PIGF: variants seen among roughly 807,000 people sequenced by gnomAD.
PIGF encodes the protein GPI ethanolamine phosphate transferase, stabilizing subunit.
Under a neutral mutation model 26.0 loss-of-function variants are expected in PIGF, and 23 were observed. The ratio of observed to expected loss-of-function variants is 0.88; its 90% CI spans 0.64 to 1.25. The LOEUF is 1.25. Among genes scored for constraint, PIGF ranks in the 50% most tolerant of loss-of-function variants. PIGF has a pLI of 0.00. For synonymous variants in PIGF, 93 were observed against 92.6 expected (o/e 1.00, Z -0.03); for missense variants, 278 against 249.9 (o/e 1.11, Z -0.76).
intron 4 of PIGF, among the ~76,000 whole-genome samples, chr2:46,606,013 G>T (rs1670210925): frequency 6.6e-6 from 1 of 152,158 alleles, no homozygotes; most frequent in African/African-American, 2.4e-5. Context: ...TCTCCAGTAT[G>T]TTGGAAATTT....
chr2:46,597,632 G>A (rs768284332), intron 4 of PIGF, among the ~76,000 whole-genome samples: 5 of 152,014 alleles, frequency 3.3e-5, no homozygotes, highest in Non-Finnish European at 5.9e-5. Context: ...GGCTGGTCTC[G>A]AACTCCTGAC....
chr2:46,599,657 G>A (rs140937905), intron 4 of PIGF, among the ~76,000 whole-genome samples: 65 of 152,018 alleles, frequency 4.3e-4, no homozygotes, highest in African/African-American at 1.4e-3. Context: ...TCTTCTCCAC[G>A]TCATTTTGTT....
chr2:46,612,097 C>T (rs772853429), intron 4 of PIGF, 131 bp downstream of exon 4: 2 of 378,534 alleles, frequency 5.3e-6, no homozygotes, highest in Non-Finnish European at 4.8e-6. Context: ...GCAGTGACCC[C>T]TTAAGGCATC....
intron 1 of PIGF, 28 bp from the exon 2 acceptor site, chr2:46,615,213 T>C (rs1572789755): frequency 1.1e-6 from 1 of 895,660 alleles, no homozygotes; most frequent in East Asian, 2.4e-5. Context: ...AAGAAGAGCA[T>C]ATGCAATAAC....
chr2:46,595,787 A>G (rs1669864097), intron 4 of PIGF, among the ~76,000 whole-genome samples: 1 of 152,140 alleles, frequency 6.6e-6, no homozygotes, highest in Admixed American at 6.5e-5. Flanking sequence ...TTTTTATTAC[A>G]GTCATCGTAA....
chr2:46,597,893 T>A lies in PIGF; in HGVS notation c.438-5310A>T, dbSNP rs1312074212. ...TCACAAAAATGTTTTTTAAAGTGTT[T>A]TTTCATCCACTATGCTGAAAATATA... is the stretch of plus-strand genomic sequence containing the variant. On this transcript the variant is annotated intron_variant, in intron 4 of 5. Coordinates refer to ENST00000281382, the MANE Select transcript of PIGF (RefSeq NM_002643.4). Among the ~76,000 whole-genome samples, 5 of 152,338 alleles carry A rather than the reference T, an allele frequency of 3.3e-5. No individual in the cohort carries two copies. In the South Asian group the frequency reaches 8.3e-4, roughly 25 times the overall value.
At chr2:46,584,725 T>G (rs1377563207) in intron 5 of PIGF, among the ~76,000 whole-genome samples, 1 of 152,210 alleles carries the variant, frequency 6.6e-6, no homozygotes, top group Non-Finnish European at 1.5e-5. Flanking sequence ...GAGTACCTCC[T>G]TGGCTTTCCT....
At chr2:46,612,037 G>T (rs141051955) in intron 4 of PIGF, among the ~76,000 whole-genome samples, 191 bp downstream of exon 4, 1 of 151,508 alleles carries the variant, frequency 6.6e-6, no homozygotes, top group African/African-American at 2.4e-5. Context: ...TCTTGCTAAC[G>T]TGGAGGGAGG....
At chr2:46,590,481 G>A (rs1669693745) in intron 5 of PIGF, among the ~76,000 whole-genome samples, 1 of 151,690 alleles carries the variant, frequency 6.6e-6, no homozygotes, top group African/African-American at 2.4e-5. Flanking sequence ...CTTAAATTAT[G>A]TGTAATATAT....
intron 2 of PIGF, chr2:46,614,031 G>A (rs1296671858): frequency 1.4e-5 from 5 of 369,602 alleles, no homozygotes; most frequent in Non-Finnish European, 2.0e-5. Context: ...TACATGAGTC[G>A]AAAAGAGGTT....
At chr2:46,582,709 G>A (rs1016972107) in intron 5 of PIGF, 8 of 152,546 alleles carry the variant, frequency 5.2e-5, no homozygotes, top group African/African-American at 1.9e-4. Flanking sequence ...TTGGGTAATG[G>A]AACACTAAAC....
intron 4 of PIGF, 131 bp downstream of exon 4, chr2:46,612,097 C>G (rs772853429): frequency 2.6e-5 from 10 of 378,532 alleles, no homozygotes; most frequent in Non-Finnish European, 4.8e-5. Flanking sequence ...GCAGTGACCC[C>G]TTAAGGCATC....
intron 4 of PIGF, among the ~76,000 whole-genome samples, chr2:46,598,107 A>C (rs1669944183): frequency 1.3e-5 from 2 of 151,856 alleles, no homozygotes; most frequent in Non-Finnish European, 2.9e-5. Context: ...TTGACTAGGG[A>C]ATCTTTTCAA....
chr2:46,598,287 T>G lies in PIGF; in HGVS notation c.438-5704A>C, dbSNP rs144566724. Among the ~76,000 whole-genome samples, 4 of 152,254 alleles carry G rather than the reference T, an allele frequency of 2.6e-5. 1 individual carries two copies. The East Asian group carries it at 7.7e-4, about 29-fold the overall frequency. On this transcript the variant is annotated intron_variant, in intron 4 of 5. Transcript: ENST00000281382. The stretch of plus-strand genomic sequence containing the variant: ...ATACTGCCTCTATTTCCCCTGAGTT[T>G]CTTTTTTGTTGTTTTCATTTCTGGA...
chr2:46,590,388 C>T (rs918429728), intron 5 of PIGF, among the ~76,000 whole-genome samples: 4 of 152,030 alleles, frequency 2.6e-5, no homozygotes, highest in African/African-American at 9.7e-5. Flanking sequence ...CTAAGCAAAC[C>T]TAAACACATA....
chr2:46,612,474 C>A, intron 3 of PIGF, 130 bp from the exon 4 acceptor site: 1 of 391,548 alleles, frequency 2.6e-6, no homozygotes, highest in Non-Finnish European at 4.7e-6. Flanking sequence ...ATGAATGCCA[C>A]CAAAATGATG....
At chr2:46,582,598 A>AT (rs1669434867) in intron 5 of PIGF, 1 of 152,594 alleles carries the variant, frequency 6.6e-6, no homozygotes, top group Non-Finnish European at 1.5e-5. Context: ...CCTTTCCTAC[A>AT]TTTAAACTTG....
intron 4 of PIGF, among the ~76,000 whole-genome samples, chr2:46,601,454 C>G (rs1203677165): frequency 6.6e-6 from 1 of 152,074 alleles, no homozygotes; most frequent in Non-Finnish European, 1.5e-5. Context: ...ATAGTAAACA[C>G]TCATGGTTTA....
chr2:46,592,066 T>C (rs747241679), intron 5 of PIGF: 19 of 941,076 alleles, frequency 2.0e-5, no homozygotes, highest in Non-Finnish European at 2.8e-5. Context: ...AAAATTCCTA[T>C]ACTGGCTGGG....
Sources: gnomAD v4.1 joint callset for allele counts (sites outside exome capture counted in the v4.1 genomes callset) on GRCh38, gnomAD v4.1.1 for gene constraint, MANE v1.5 for transcripts, NCBI Gene and HGNC (gene_info 2026-07-23, HGNC 2026-07-21) for gene names.